The following PPIL2 variants were observed in gnomAD, a reference collection of about 807,000 sequenced individuals.
The protein encoded by PPIL2 is peptidylprolyl isomerase like 2.
PPIL2 carries 50 observed loss-of-function variants against 75.2 expected under a neutral mutation model. The ratio of observed to expected loss-of-function variants is 0.66; its 90% CI spans 0.53 to 0.84. PPIL2 has a LOEUF of 0.84. Ranked by LOEUF, PPIL2 falls within the 40% of genes least tolerant of loss-of-function variation. PPIL2 has a pLI of 0.00. For synonymous variants in PPIL2, 245 were observed against 258.8 expected, an observed-to-expected ratio of 0.95 and a Z score of 0.51; for missense variants, 590 against 685.0, an observed-to-expected ratio of 0.86 and a Z score of 1.55.
In PPIL2 at chr22:21,671,015, T is replaced by C. The variant is rs746875774; in HGVS notation, c.147T>C (p.Phe49=). ...FDHCSLSLQP[F]VYPVCTPDGI... ...TTTTCAGTCTCTCTCTGCAGCCCTT[T>C]GTCTACCCAGTCTGCACTCCCGATG... The change falls in exon 4 of 20, where the codon TTT becomes TTC. Residue 49 remains phenylalanine (F), a synonymous_variant. Coordinates refer to ENST00000398831, the MANE Select transcript of PPIL2 (RefSeq NM_014337.4). 2 of 1,613,264 alleles carry C rather than the reference T, an allele frequency of 1.2e-6. No homozygotes were observed. The highest frequency in any genetic ancestry group is 2.2e-5 in the South Asian group (2 of 91,062).
intron 11 of PPIL2, 74 bp downstream of exon 11, chr22:21,686,632 C>T (rs1374202605): frequency 6.2e-6 from 9 of 1,451,846 alleles, no homozygotes; most frequent in South Asian, 2.3e-5. Flanking sequence ...CTCCCCGACT[C>T]CCACTTTATT....
chr22:21,679,016 C>T (rs2066994564), intron 6 of PPIL2, among the ~76,000 whole-genome samples: 1 of 151,670 alleles, frequency 6.6e-6, no homozygotes, highest in Non-Finnish European at 1.5e-5. Flanking sequence ...CCTGGCTCAG[C>T]CTCCCGAGTG....
intron 15 of PPIL2, among the ~76,000 whole-genome samples, chr22:21,691,418 T>C (rs184960253): frequency 1.8e-3 from 279 of 152,200 alleles, no homozygotes; most frequent in Middle Eastern, 3.4e-3. Context: ...CGGTGGCTCA[T>C]GCCTATAATC....
intron 6 of PPIL2, among the ~76,000 whole-genome samples, chr22:21,676,406 A>G (rs2845463): frequency 0.64 from 94,489 of 146,964 alleles, 31,062 homozygotes; most frequent in African/African-American, 0.77. Flanking sequence ...GGTGTTTCTC[A>G]CAGAGGGGGA....
chr22:21,689,525 G>GA (rs1693723165), intron 15 of PPIL2, among the ~76,000 whole-genome samples: 1 of 152,094 alleles, frequency 6.6e-6, no homozygotes, highest in Non-Finnish European at 1.5e-5. Context: ...CTCATGTAGA[G>GA]AAAAACTACC....
intron 1 of PPIL2, among the ~76,000 whole-genome samples, chr22:21,668,097 G>T (rs1262785929): frequency 6.6e-6 from 1 of 151,586 alleles, no homozygotes; most frequent in Non-Finnish European, 1.5e-5. Context: ...AATTTAATAT[G>T]CCTTAAACAG....
intron 6 of PPIL2, among the ~76,000 whole-genome samples, chr22:21,675,510 T>C (rs779405220): frequency 1.8e-4 from 27 of 151,712 alleles, no homozygotes; most frequent in Admixed American, 3.9e-4. Context: ...CACTCCAGCC[T>C]GGCAACAGAG....
intron 1 of PPIL2, among the ~76,000 whole-genome samples, chr22:21,667,580 G>A (rs957549674): frequency 1.3e-5 from 2 of 152,004 alleles, no homozygotes; most frequent in African/African-American, 4.8e-5. Flanking sequence ...CGACTTCAGC[G>A]GTCTTTCTTT....
At chr22:21,676,309 T>G (rs2845461) in intron 6 of PPIL2, among the ~76,000 whole-genome samples, 12,852 of 123,042 alleles carry the variant, frequency 0.1, 793 homozygotes, top group East Asian at 0.29. Context: ...TTTATTTATT[T>G]TGTGTGTGTG....
Position 21,688,686 on chromosome 22 carries a change from G to C in PPIL2, c.1022-46G>C, listed in dbSNP as rs180877906. The C allele has an allele frequency of 3.8e-6, 6 of 1,583,450 alleles. No homozygotes were observed. The African/African-American group carries it at 6.7e-5, about 18-fold the overall frequency. On this transcript the variant is annotated intron_variant, in intron 14 of 19. Coordinates refer to ENST00000398831, the MANE Select transcript of PPIL2 (RefSeq NM_014337.4). ...ACTCTGAGGTTTCTAGTTCTGCCTC[G>C]GCTGGGGCCCAGGCTTTCCTGCTCC...
At chr22:21,670,459 A>C (rs1159616729) in intron 2 of PPIL2, 107 bp from the exon 3 acceptor site, 1 of 1,494,948 alleles carries the variant, frequency 6.7e-7, no homozygotes, top group Non-Finnish European at 9.2e-7. Context: ...TGTACTTAAA[A>C]ATTTGCATGA....
At chr22:21,674,070 G>A (rs1232742038) in intron 5 of PPIL2, among the ~76,000 whole-genome samples, 2 of 152,166 alleles carry the variant, frequency 1.3e-5, no homozygotes, top group Non-Finnish European at 2.9e-5. Context: ...AGGACCTGCT[G>A]CCAGCTTAGG....
Position 21,695,015 on chromosome 22 carries a change from C to T in PPIL2, c.1411C>T (p.Gln471Ter). ...VKSSQPQAGS[Q>*]GPQTFRQGVG... ...GAGCAGCCAGCCCCAGGCAGGGAGC[C>T]AGGGCCCCCAGACCTTCCGCCAGGG... Residue 471 changes from glutamine to a stop codon, truncating the protein, a stop_gained, in exon 19 of 20, where the codon CAG becomes TAG. Coordinates refer to ENST00000398831, the MANE Select transcript of PPIL2 (RefSeq NM_014337.4). LOFTEE classifies it high-confidence loss of function. 1 of 1,613,324 alleles carries T rather than the reference C, an allele frequency of 6.2e-7. No individual in the cohort carries two copies. Among genetic ancestry groups the T allele is most frequent in the Non-Finnish European group, 8.5e-7 (1 of 1,179,986 alleles).
Position 21,688,713 on chromosome 22 carries a change from A to G in PPIL2, c.1022-19A>G. ...CTGGGGCCCAGGCTTTCCTGCTCCC[A>G]TGGGCCTTTCTCTTCCAGGTGGGGA... On this transcript the variant is annotated intron_variant, in intron 14 of 19. Transcript: ENST00000398831. 2 of 1,610,312 alleles carry G rather than the reference A, an allele frequency of 1.2e-6. No homozygotes were observed. The highest frequency in any genetic ancestry group is 1.7e-6 in the Non-Finnish European group (2 of 1,176,670).
intron 6 of PPIL2, among the ~76,000 whole-genome samples, chr22:21,677,692 CGG>C (rs2066935774): frequency 6.8e-5 from 5 of 73,960 alleles, no homozygotes; most frequent in Admixed American, 1.4e-4. Flanking sequence ...CCCTGGGGAG[CGG>C]GAGCGGGAGA....
chr22:21,695,021 C>T lies in PPIL2; in HGVS notation c.1417C>T (p.Pro473Ser). 2 of 1,613,128 alleles carry T rather than the reference C, an allele frequency of 1.2e-6. No individual in the cohort carries two copies. Among genetic ancestry groups the T allele is most frequent in the South Asian group, 1.1e-5 (1 of 91,076 alleles). ...CCAGCCCCAGGCAGGGAGCCAGGGC[C>T]CCCAGACCTTCCGCCAGGGCGTGGG... ...SSQPQAGSQG[P>S]QTFRQGVGKY... is the part of the protein sequence containing the mutation. The change falls in exon 19 of 20, where the codon CCC becomes TCC. Residue 473 changes from proline (P) to serine (S), a missense_variant. Pro to Ser is a moderately conservative substitution (Grantham distance 74). Transcript: ENST00000398831.
At chr22:21,688,652 C>T in intron 14 of PPIL2, 80 bp from the exon 15 acceptor site, 1 of 1,375,850 alleles carries the variant, frequency 7.3e-7, no homozygotes, top group Admixed American at 1.8e-5. Context: ...GGCCCTGATG[C>T]CCCTCGGGAC....
intron 6 of PPIL2, among the ~76,000 whole-genome samples, chr22:21,680,737 G>A (rs971758295): frequency 6.9e-6 from 1 of 145,576 alleles, no homozygotes; most frequent in African/African-American, 2.5e-5. Context: ...GGCTGAGGCA[G>A]GAGAATGGCG....
At chr22:21,682,162 ACT>A (rs2067153523) in intron 7 of PPIL2, among the ~76,000 whole-genome samples, 1 of 152,134 alleles carries the variant, frequency 6.6e-6, no homozygotes, top group African/African-American at 2.4e-5. Context: ...TGGGTGGGTG[ACT>A]CGCTGAGTCT....
Sources: gnomAD v4.1 joint callset for allele counts (sites outside exome capture counted in the v4.1 genomes callset) on GRCh38, gnomAD v4.1.1 for gene constraint, MANE v1.5 for transcripts, NCBI Gene and HGNC (gene_info 2026-07-23, HGNC 2026-07-21) for gene names.